Variants in BBS4 observed in about 807,000 individuals in gnomAD.
BBS4 encodes the protein BBSome complex member BBS4.
BBS4 carries 58 observed loss-of-function variants against 71.4 expected under a neutral mutation model. The observed-to-expected ratio is 0.81, with a 90% CI of 0.66 to 1.01. The LOEUF (loss-of-function observed/expected upper bound fraction) is 1.01, where lower values mean the gene tolerates loss of function less well. BBS4 is among the 50% of genes least tolerant of loss of function. The pLI is 0.00. For synonymous variants in BBS4, 228 were observed against 216.8 expected, an observed-to-expected ratio of 1.05 and a Z score of -0.46; for missense variants, 660 against 607.9, an observed-to-expected ratio of 1.09 and a Z score of -0.90.
At chr15:72,726,827 G>T (rs924814929) in intron 8 of BBS4, among the ~76,000 whole-genome samples, 4 of 152,206 alleles carry the variant, frequency 2.6e-5, no homozygotes, top group Admixed American at 2.0e-4. Context: ...TTTGAGAATA[G>T]CATACATAAA....
chr15:72,713,314 G>GACACACATAC (rs2065408104), intron 4 of BBS4, among the ~76,000 whole-genome samples: 1 of 143,442 alleles, frequency 7.0e-6, no homozygotes, highest in Non-Finnish European at 1.5e-5. Flanking sequence ...AGGTCTTTGT[G>GACACACATAC]ACACACACAC....
At chr15:72,722,620 A>T (rs2065597853) in intron 6 of BBS4, among the ~76,000 whole-genome samples, 174 bp from the exon 7 acceptor site, 1 of 152,208 alleles carries the variant, frequency 6.6e-6, no homozygotes. Context: ...ATGTTGAGGA[A>T]CTTATTTTTA....
chr15:72,713,752 A>G (rs956535507), intron 4 of BBS4, among the ~76,000 whole-genome samples: 4 of 152,332 alleles, frequency 2.6e-5, no homozygotes, highest in Admixed American at 2.0e-4. Context: ...TTTGATTGCT[A>G]TGACGTCACT....
chr15:72,704,489 T>A (rs1366790526), intron 2 of BBS4: 13 of 1,269,216 alleles, frequency 1.0e-5, no homozygotes, highest in Non-Finnish European at 1.2e-5. Flanking sequence ...CAGGTAAAAT[T>A]CTAATTGTAA....
chr15:72,730,287 AAAAAAT>A (rs1171733885), intron 10 of BBS4, among the ~76,000 whole-genome samples: 2 of 151,100 alleles, frequency 1.3e-5, no homozygotes, highest in South Asian at 2.1e-4. Context: ...TCAAAAAAAA[AAAAAAT>A]AAAAAATAAA....
intron 6 of BBS4, among the ~76,000 whole-genome samples, chr15:72,722,142 A>G (rs1463860721): frequency 6.6e-6 from 1 of 152,214 alleles, no homozygotes; most frequent in Non-Finnish European, 1.5e-5. Flanking sequence ...TCTGTGTTCC[A>G]ATGAATCTGT....
intron 6 of BBS4, among the ~76,000 whole-genome samples, chr15:72,718,420 T>C (rs1274310829): frequency 6.6e-6 from 1 of 152,202 alleles, no homozygotes; most frequent in African/African-American, 2.4e-5. Flanking sequence ...ATTTTTCAAG[T>C]ATTTGGTGAT....
intron 12 of BBS4, among the ~76,000 whole-genome samples, chr15:72,733,288 CCT>C (rs888688188): frequency 4.6e-5 from 7 of 152,092 alleles, no homozygotes; most frequent in East Asian, 1.9e-4. Flanking sequence ...AGACTCCATT[CCT>C]CTCTCTTTTT....
At chr15:72,706,780 A>T (rs894423656) in intron 2 of BBS4, among the ~76,000 whole-genome samples, 3 of 152,144 alleles carry the variant, frequency 2.0e-5, no homozygotes, top group Non-Finnish European at 4.4e-5. Context: ...CTTCTTACAA[A>T]TTCCATTGAT....
chr15:72,686,380 C>A, intron 1 of BBS4, 129 bp downstream of exon 1: 1 of 1,537,594 alleles, frequency 6.5e-7, no homozygotes, highest in Non-Finnish European at 8.7e-7. Context: ...GTGGGCGGGG[C>A]GACACGGTCC....
At position 72,715,296 on chromosome 15, in the gene BBS4, A is replaced by C. The variant is rs527539622; in HGVS notation, c.226A>C (p.Ile76Leu). The C allele has an allele frequency of 1.2e-6, 2 of 1,608,890 alleles. No individual in the cohort carries two copies. Among genetic ancestry groups the C allele is most frequent in the Non-Finnish European group, 1.7e-6 (2 of 1,175,526 alleles). ...TATTTTCTGTTTCTTGGCAGCATTG[A>C]TATTTCGCCTAGAAGGAAATATCCA... is the stretch of plus-strand genomic sequence containing the variant. ...CEYAIYVQAL[I>L]FRLEGNIQES... Residue 76 changes from isoleucine (I) to leucine (L), a missense_variant, in exon 5 of 16, where the codon ATA (isoleucine) becomes CTA (leucine). Ile to Leu is a conservative substitution (Grantham distance 5). Coordinates refer to ENST00000268057, the MANE Select transcript of BBS4 (RefSeq NM_033028.5).
Position 72,686,240 on chromosome 15 carries a change from A to G in BBS4, c.13A>G (p.Arg5Gly), listed in dbSNP as rs1293905470. 6.4e-7 allele frequency: 1 copy of G among 1,566,158 alleles called. No homozygotes were observed. The highest frequency in any genetic ancestry group is 2.4e-5 in the East Asian group (1 of 42,250). Residue 5 changes from arginine (R) to glycine (G), a missense_variant, in exon 1 of 16, where the codon AGA (arginine) becomes GGA (glycine). Coordinates refer to ENST00000268057, the MANE Select transcript of BBS4 (RefSeq NM_033028.5). MAEERVATRTQFPVS... is the reference protein window; with the variant it reads MAEEGVATRTQFPVS... ...GGGCTGAGCTAAAATGGCTGAGGAG[A>G]GAGTCGCGACGGTGAGCGCCGAGAT... is the stretch of plus-strand genomic sequence containing the variant.
intron 2 of BBS4, among the ~76,000 whole-genome samples, chr15:72,700,098 C>G (rs573345803): frequency 1.3e-5 from 2 of 152,254 alleles, no homozygotes; most frequent in East Asian, 3.9e-4. Flanking sequence ...TGCCACCATG[C>G]CCGGCTAATT....
chr15:72,706,621 A>G (rs1223013069), intron 2 of BBS4, among the ~76,000 whole-genome samples: 1 of 152,184 alleles, frequency 6.6e-6, no homozygotes, highest in African/African-American at 2.4e-5. Flanking sequence ...CAAGTCTTAG[A>G]AGAATTTCAG....
chr15:72,737,638 G>A lies in BBS4; in HGVS notation c.*51G>A. 7.0e-7 allele frequency: 1 copy of A among 1,422,560 alleles called. No individual in the cohort carries two copies. Among genetic ancestry groups the A allele is most frequent in the Non-Finnish European group, 9.7e-7 (1 of 1,031,926 alleles). The allele number at this position is 1,422,560 out of a possible 1,614,324, so 88.1% of individuals were successfully genotyped here. ...GGGTTTTCTTGGGCGAGGATGTGCT[G>A]GATTAGGAAAGGTGACATGACACAG... On this transcript the variant is annotated 3_prime_UTR_variant, in exon 16 of 16. Transcript: ENST00000268057.
At chr15:72,727,883 G>A in intron 8 of BBS4, 57 bp from the exon 9 acceptor site, 1 of 1,295,978 alleles carries the variant, frequency 7.7e-7, no homozygotes, top group South Asian at 1.2e-5. Flanking sequence ...TACTGTGCAT[G>A]TGTCTTCGTG....
chr15:72,716,174 G>A (rs2065465808), intron 5 of BBS4, among the ~76,000 whole-genome samples: 1 of 152,188 alleles, frequency 6.6e-6, no homozygotes, highest in Non-Finnish European at 1.5e-5. Context: ...ATAAGTTGAG[G>A]AGCATCTCTA....
chr15:72,734,134 T>C (rs2065877833), intron 12 of BBS4, among the ~76,000 whole-genome samples: 1 of 152,224 alleles, frequency 6.6e-6, no homozygotes, highest in Non-Finnish European at 1.5e-5. Flanking sequence ...TTTGCTTAAG[T>C]TCCTTATAGA....
chr15:72,722,646 A>G (rs544507665), intron 6 of BBS4, 148 bp from the exon 7 acceptor site: 106 of 692,640 alleles, frequency 1.5e-4, no homozygotes, highest in Admixed American at 6.8e-4. Context: ...TAATTTGAGT[A>G]TGAACTCTAA....
Sources: gnomAD v4.1 joint callset for allele counts (sites outside exome capture counted in the v4.1 genomes callset) on GRCh38, gnomAD v4.1.1 for gene constraint, MANE v1.5 for transcripts, NCBI Gene and HGNC (gene_info 2026-07-23, HGNC 2026-07-21) for gene names.